Variants in EVI5 observed in about 807,000 individuals in gnomAD.
EVI5 encodes ecotropic viral integration site 5.
EVI5 carries 73 observed loss-of-function variants against 112.0 expected under a neutral mutation model. The ratio of observed to expected loss-of-function variants is 0.65; its 90% confidence interval spans 0.54 to 0.79. The LOEUF is 0.79. Ranked by LOEUF, EVI5 falls within the 30% of genes least tolerant of loss-of-function variation. The probability of loss-of-function intolerance (pLI) is 0.00; values close to 1 mark genes in which losing one functional copy is unlikely to be tolerated. For synonymous variants in EVI5, 305 were observed against 319.9 expected (o/e 0.95, Z 0.50); for missense variants, 900 against 968.8 (o/e 0.93, Z 0.94).
At chr1:92,564,682 ATT>A (rs11313353) in intron 18 of EVI5, among the ~76,000 whole-genome samples, 4,721 of 126,270 alleles carry the variant, frequency 0.037, 92 homozygotes, top group Middle Eastern at 0.076. Context: ...TCAGATAAAG[ATT>A]TTTTTTTTTT....
At chr1:92,702,308 A>C (rs1337392001) in intron 4 of EVI5, 93 bp from the exon 5 acceptor site, 3 of 633,418 alleles carry the variant, frequency 4.7e-6, no homozygotes, top group Non-Finnish European at 8.3e-6. Context: ...CAGATTAAAA[A>C]ACATTTATTT....
chr1:92,631,829 G>C (rs1284399708), intron 14 of EVI5, among the ~76,000 whole-genome samples: 1 of 152,156 alleles, frequency 6.6e-6, no homozygotes, highest in African/African-American at 2.4e-5. Context: ...GTCATAAACA[G>C]CTCTTATGAT....
At position 92,537,771 on chromosome 1, in the gene EVI5, A is replaced by C. The variant is rs187871859; in HGVS notation, c.2167-23801T>G. On this transcript the variant is annotated intron_variant, in intron 19 of 19. Coordinates refer to ENST00000684568, the MANE Select transcript of EVI5 (RefSeq NM_001350197.2). ...TTACACAGACAAGAGCCAAAATTCT[A>C]ATCTACAGTACTTAAAAAAAAAAAA... Among the ~76,000 whole-genome samples the C allele has an allele frequency of 2.6e-5, 4 of 151,050 alleles. No individual in the cohort carries two copies. In the East Asian group the frequency reaches 7.7e-4, roughly 29 times the overall value.
At chr1:92,722,471 C>G (rs1323518698) in intron 2 of EVI5, among the ~76,000 whole-genome samples, 1 of 133,254 alleles carries the variant, frequency 7.5e-6, no homozygotes. Context: ...CCCCCTCCCC[C>G]CACCCCACAA....
At chr1:92,767,900 C>T (rs188829593) in intron 1 of EVI5, among the ~76,000 whole-genome samples, 2 of 151,916 alleles carry the variant, frequency 1.3e-5, no homozygotes, top group Admixed American at 6.6e-5. Flanking sequence ...GCCAATGTGG[C>T]GAAACACTGT....
intron 16 of EVI5, among the ~76,000 whole-genome samples, chr1:92,614,514 C>G (rs1205746427): frequency 6.6e-6 from 1 of 152,076 alleles, no homozygotes; most frequent in Non-Finnish European, 1.5e-5. Flanking sequence ...ATGGGAAAGG[C>G]AGATCCACCC....
At chr1:92,567,563 G>GTAGAAA (rs1465744032) in intron 18 of EVI5, among the ~76,000 whole-genome samples, 1 of 152,068 alleles carries the variant, frequency 6.6e-6, no homozygotes, top group African/African-American at 2.4e-5. Context: ...ACAGTATTCA[G>GTAGAAA]TAGAGTAACA....
At chr1:92,559,168 T>C (rs560304777) in intron 19 of EVI5, among the ~76,000 whole-genome samples, 2 of 152,354 alleles carry the variant, frequency 1.3e-5, no homozygotes, top group South Asian at 4.1e-4. Flanking sequence ...TATACTGTAT[T>C]GTTTAGGGAA....
chr1:92,740,653 T>C (rs1323004525), intron 1 of EVI5, among the ~76,000 whole-genome samples: 1 of 152,214 alleles, frequency 6.6e-6, no homozygotes, highest in Non-Finnish European at 1.5e-5. Context: ...TGTGTGTATG[T>C]GTGTGTCTGT....
At chr1:92,564,814 G>C (rs1669176052) in intron 18 of EVI5, among the ~76,000 whole-genome samples, 1 of 151,878 alleles carries the variant, frequency 6.6e-6, no homozygotes. Flanking sequence ...TGAGTAGCTG[G>C]GATTACAGGT....
intron 13 of EVI5, among the ~76,000 whole-genome samples, chr1:92,649,988 G>A (rs932806437): frequency 2.6e-5 from 4 of 152,062 alleles, no homozygotes; most frequent in Non-Finnish European, 4.4e-5. Context: ...AAACCAACTG[G>A]CCATAGATGT....
intron 2 of EVI5, among the ~76,000 whole-genome samples, chr1:92,717,544 G>T (rs936275430): frequency 9.9e-5 from 15 of 152,156 alleles, no homozygotes; most frequent in African/African-American, 3.6e-4. Context: ...CCTGAAGGAA[G>T]CACTAAACAT....
chr1:92,788,770 G>A (rs181790675), upstream of EVI5, among the ~76,000 whole-genome samples: 19 of 151,938 alleles, frequency 1.3e-4, no homozygotes, highest in African/African-American at 4.6e-4. Flanking sequence ...CTCCAGCCTG[G>A]GCAACAGAGC....
chr1:92,561,086 G>T (rs1213595266), intron 19 of EVI5, among the ~76,000 whole-genome samples: 3 of 152,098 alleles, frequency 2.0e-5, no homozygotes, highest in African/African-American at 7.2e-5. Flanking sequence ...ATGTTTAAGT[G>T]ACCAGGTTTT....
intron 19 of EVI5, among the ~76,000 whole-genome samples, chr1:92,527,062 G>A (rs559080832): frequency 1.5e-4 from 23 of 152,074 alleles, no homozygotes; most frequent in Non-Finnish European, 2.6e-4. Context: ...TTTTCCTATG[G>A]CCATAACGCT....
chr1:92,760,741 A>G (rs1681706719), intron 1 of EVI5, among the ~76,000 whole-genome samples: 1 of 150,640 alleles, frequency 6.6e-6, no homozygotes, highest in African/African-American at 2.4e-5. Context: ...TCAAAAAAAA[A>G]AAAAAAAAAG....
At chr1:92,637,169 G>A (rs547621020) in intron 13 of EVI5, among the ~76,000 whole-genome samples, 2 of 152,272 alleles carry the variant, frequency 1.3e-5, no homozygotes, top group East Asian at 3.9e-4. Flanking sequence ...CTTGAGGCCA[G>A]GAGTTCAAGA....
intron 9 of EVI5, among the ~76,000 whole-genome samples, chr1:92,682,531 G>A (rs141407862): frequency 3.1e-4 from 47 of 152,158 alleles, no homozygotes; most frequent in Middle Eastern, 3.2e-3. Flanking sequence ...GGAGGCCGAG[G>A]TGGGTGGATC....
chr1:92,659,545 C>T (rs1376529236), intron 13 of EVI5, among the ~76,000 whole-genome samples: 2 of 151,938 alleles, frequency 1.3e-5, no homozygotes, highest in African/African-American at 4.8e-5. Context: ...AATGAGATAC[C>T]ATCTTACACC....
Sources: allele counts gnomAD v4.1 joint callset (sites outside exome capture counted in the v4.1 genomes callset), GRCh38; gene constraint gnomAD v4.1.1; transcripts MANE v1.5; gene names NCBI Gene and HGNC (gene_info 2026-07-23, HGNC 2026-07-21).